TBC1D15: variants seen among roughly 807,000 people sequenced by gnomAD.
TBC1D15 encodes TBC1 domain family member 15, also known as GAP for RAB7.
In TBC1D15, 39 loss-of-function variants were observed where a neutral mutation model predicts 95.4. The ratio of observed to expected loss-of-function variants is 0.41; its 90% confidence interval spans 0.32 to 0.53. The LOEUF (loss-of-function observed/expected upper bound fraction) is 0.53. Ranked by LOEUF, TBC1D15 falls within the 20% of genes least tolerant of loss-of-function variation. The probability of loss-of-function intolerance (pLI) is 0.29; values close to 1 mark genes in which losing one functional copy is unlikely to be tolerated. For missense variants in TBC1D15, 733 were observed against 794.3 expected (o/e 0.92, Z 0.93); for synonymous variants, 258 against 261.3 (o/e 0.99, Z 0.12).
chr12:71,845,598 A>G (rs927794005), intron 1 of TBC1D15, among the ~76,000 whole-genome samples: 2 of 152,246 alleles, frequency 1.3e-5, no homozygotes, highest in Admixed American at 6.5e-5. Flanking sequence ...GGAGCCCATT[A>G]GGATGCTCAG....
intron 1 of TBC1D15, chr12:71,849,691 C>A (rs936805780): frequency 9.8e-5 from 54 of 550,884 alleles, no homozygotes; most frequent in Non-Finnish European, 1.5e-4. Flanking sequence ...TCTGCATGGT[C>A]AGTCCCAGTA....
chr12:71,889,853 T>G (rs936839062), intron 5 of TBC1D15, among the ~76,000 whole-genome samples: 5 of 152,140 alleles, frequency 3.3e-5, no homozygotes, highest in Non-Finnish European at 7.4e-5. Flanking sequence ...CATGTGTTGT[T>G]TGTTGTTTAG....
intron 4 of TBC1D15, 46 bp downstream of exon 4, chr12:71,880,653 T>A (rs1894949645): frequency 6.5e-7 from 1 of 1,529,546 alleles, no homozygotes; most frequent in East Asian, 2.3e-5. Context: ...TGCTACAGTA[T>A]ACTAATAAAC....
rs549195393 is a variant in TBC1D15 at position 71,889,417 on chromosome 12, A to G, written c.555-3805A>G. Among the ~76,000 whole-genome samples, 13 of 152,226 alleles carry G rather than the reference A, an allele frequency of 8.5e-5. No homozygotes were observed. The South Asian group carries it at 2.7e-3, about 32-fold the overall frequency. On this transcript the variant is annotated intron_variant, in intron 5 of 16. Coordinates refer to ENST00000485960, the MANE Select transcript of TBC1D15 (RefSeq NM_001146213.3). ...TATTTTATCTCCAAGGCCCCTCCAT[A>G]CTCTAGGCTGAAAATAAGTGCTCCC... is the stretch of plus-strand genomic sequence containing the variant.
chr12:71,847,299 T>G (rs328771), intron 1 of TBC1D15, among the ~76,000 whole-genome samples: 4,087 of 152,308 alleles, frequency 0.027, 183 homozygotes, highest in African/African-American at 0.092. Flanking sequence ...ATAAATGGAA[T>G]TATATAGTAT....
intron 5 of TBC1D15, among the ~76,000 whole-genome samples, chr12:71,891,562 G>C (rs377753349): frequency 2.6e-5 from 4 of 152,050 alleles, no homozygotes; most frequent in African/African-American, 9.7e-5. Context: ...ATTACCTAGC[G>C]GTGTAACAGT....
At chr12:71,877,546 TC>T (rs2138411048) in intron 3 of TBC1D15, among the ~76,000 whole-genome samples, 1 of 140,956 alleles carries the variant, frequency 7.1e-6, no homozygotes, top group East Asian at 2.0e-4. Context: ...CTTCCTTCCT[TC>T]CTTCCTTCCT....
chr12:71,842,244 G>A (rs562797154), intron 1 of TBC1D15, among the ~76,000 whole-genome samples: 49 of 152,262 alleles, frequency 3.2e-4, no homozygotes, highest in South Asian at 2.3e-3. Flanking sequence ...GCAGCAAAAG[G>A]TAATGGTTAA....
intron 4 of TBC1D15, 72 bp from the exon 5 acceptor site, chr12:71,884,739 T>A: frequency 1.4e-6 from 2 of 1,424,224 alleles, no homozygotes; most frequent in Non-Finnish European, 2.0e-6. Flanking sequence ...TGTTAGGCAG[T>A]CATGGAGAGC....
At chr12:71,897,825 G>A in intron 9 of TBC1D15, 22 bp from the exon 10 acceptor site, 1 of 1,580,748 alleles carries the variant, frequency 6.3e-7, no homozygotes, top group Non-Finnish European at 8.7e-7. Context: ...AGCTTTCTTT[G>A]ATGTCAAATT....
chr12:71,885,298 T>A (rs1471035090), intron 5 of TBC1D15, among the ~76,000 whole-genome samples: 1 of 152,258 alleles, frequency 6.6e-6, no homozygotes, highest in East Asian at 1.9e-4. Flanking sequence ...GATGCATTAG[T>A]AATTTATGGC....
At chr12:71,908,457 T>C (rs1403603572) in intron 11 of TBC1D15, among the ~76,000 whole-genome samples, 1 of 152,214 alleles carries the variant, frequency 6.6e-6, no homozygotes, top group Admixed American at 6.5e-5. Context: ...GGTGGTTGGA[T>C]ACTTAGCACA....
chr12:71,861,451 A>C, intron 1 of TBC1D15: 1 of 1,530,208 alleles, frequency 6.5e-7, no homozygotes, highest in Non-Finnish European at 8.8e-7. Context: ...GTATGTGTCC[A>C]GGACTTTATC....
intron 14 of TBC1D15, among the ~76,000 whole-genome samples, chr12:71,919,102 A>G (rs886442590): frequency 4.6e-5 from 7 of 151,596 alleles, no homozygotes; most frequent in Admixed American, 3.3e-4. Context: ...CCATCCCCCC[A>G]TGTGTAATCC....
chr12:71,914,509 G>A (rs1301576351), intron 12 of TBC1D15, among the ~76,000 whole-genome samples: 1 of 151,968 alleles, frequency 6.6e-6, no homozygotes, highest in Non-Finnish European at 1.5e-5. Context: ...TTGAGACAGA[G>A]TTCTAGGATA....
intron 10 of TBC1D15, among the ~76,000 whole-genome samples, chr12:71,899,159 C>T (rs1296882821): frequency 2.0e-5 from 3 of 152,124 alleles, no homozygotes; most frequent in Non-Finnish European, 4.4e-5. Context: ...TATCCTCTTC[C>T]CTTTATATCA....
intron 1 of TBC1D15, chr12:71,849,370 G>T: frequency 7.2e-7 from 1 of 1,390,596 alleles, no homozygotes; most frequent in Non-Finnish European, 1.0e-6. Context: ...TCCAAGGAAT[G>T]AAAGCAGGCG....
chr12:71,848,265 A>G (rs371069078), intron 1 of TBC1D15, among the ~76,000 whole-genome samples: 15 of 152,322 alleles, frequency 9.8e-5, no homozygotes, highest in African/African-American at 2.6e-4. Flanking sequence ...ACACACTGCC[A>G]AATTGTTTTC....
At chr12:71,884,159 C>G (rs894488703) in intron 4 of TBC1D15, among the ~76,000 whole-genome samples, 2 of 152,128 alleles carry the variant, frequency 1.3e-5, no homozygotes, top group Non-Finnish European at 2.9e-5. Context: ...TCTGTATATT[C>G]ACTCCAGTGT....
Sources: allele counts gnomAD v4.1 joint callset (sites outside exome capture counted in the v4.1 genomes callset), GRCh38; gene constraint gnomAD v4.1.1; transcripts MANE v1.5; gene names NCBI Gene and HGNC (gene_info 2026-07-23, HGNC 2026-07-21).